CAMK1: variants seen among roughly 807,000 people sequenced by gnomAD.
CAMK1 encodes calcium/calmodulin-dependent protein kinase type 1.
A neutral mutation model predicts 49.1 loss-of-function variants in CAMK1; 39 were observed. The observed-to-expected ratio is 0.79, with a 90% CI of 0.62 to 1.04. The LOEUF is 1.04. Ranked by LOEUF, CAMK1 falls within the 50% of genes least tolerant of loss-of-function variation. The pLI, the probability that CAMK1 is intolerant of heterozygous loss-of-function variation, is 0.00. For missense variants in CAMK1, 457 were observed against 472.2 expected (o/e 0.97, Z 0.30); for synonymous variants, 192 against 185.2 (o/e 1.04, Z -0.30).
chr3:9,763,084 AG>A, intron 4 of CAMK1, 32 bp from the exon 5 acceptor site: 1 of 1,614,034 alleles, frequency 6.2e-7, no homozygotes. Flanking sequence ...TCTGGCAAAG[AG>A]GGTTGGGACA....
At chr3:9,758,278 C>G (rs2077680730) in intron 10 of CAMK1, 2 of 158,496 alleles carry the variant, frequency 1.3e-5, no homozygotes, top group Non-Finnish European at 2.8e-5. Flanking sequence ...AATATCTCCA[C>G]CTAGGTGTCC....
chr3:9,759,374 C>G, intron 10 of CAMK1, 114 bp downstream of exon 10: 2 of 1,553,268 alleles, frequency 1.3e-6, no homozygotes, highest in Non-Finnish European at 8.9e-7. Context: ...GTAAGGATCC[C>G]TAAGCAGTTA....
At chr3:9,768,983 G>A (rs1486985056) in intron 1 of CAMK1, among the ~76,000 whole-genome samples, 2 of 151,934 alleles carry the variant, frequency 1.3e-5, no homozygotes, top group Non-Finnish European at 2.9e-5. Flanking sequence ...ACACATCCCT[G>A]TAGCAGACAT....
chr3:9,766,642 T>G (rs569113321), intron 2 of CAMK1: 144 of 1,045,224 alleles, frequency 1.4e-4, no homozygotes, highest in Non-Finnish European at 4.5e-5. Flanking sequence ...ATAAACTCAT[T>G]TAACTAAAGT....
Position 9,759,640 on chromosome 3 carries a change from C to T in CAMK1, c.824+32G>A, listed in dbSNP as rs187470736. 137 of 1,614,064 alleles carry T rather than the reference C, an allele frequency of 8.5e-5. 1 individual carries two copies. The African/African-American group carries it at 1.7e-3, about 20-fold the overall frequency. On this transcript the variant is annotated intron_variant, in intron 9 of 11. Transcript: ENST00000256460. ...AAGCAGACCTGAGGGCCCCAAATCC[C>T]GCCCCAGCTCACAGGTTGTGTGAAT...
intron 1 of CAMK1, among the ~76,000 whole-genome samples, chr3:9,768,901 C>T (rs1234660498): frequency 5.3e-5 from 8 of 152,062 alleles, no homozygotes; most frequent in Admixed American, 1.3e-4. Flanking sequence ...AAAGGAGACT[C>T]GAGTGTAAGC....
At position 9,759,591 on chromosome 3, in the gene CAMK1, G is replaced by T. The variant is rs753634244; in HGVS notation, c.825-16C>A. ...TCCTGCAATCCTAGGATGGGGTTATGTGGTGGGTTGCCTATGAGGGCAGAA... is the reference window on the plus strand; with the variant it reads ...TCCTGCAATCCTAGGATGGGGTTATTTGGTGGGTTGCCTATGAGGGCAGAA... On this transcript the variant is annotated splice_polypyrimidine_tract_variant and intron_variant, in intron 9 of 11. Coordinates refer to ENST00000256460, the MANE Select transcript of CAMK1 (RefSeq NM_003656.5). 6.2e-7 allele frequency: 1 copy of T among 1,614,180 alleles called. No homozygotes were observed. Among genetic ancestry groups the T allele is most frequent in the Non-Finnish European group, 8.5e-7 (1 of 1,180,024 alleles).
At chr3:9,759,045 C>T (rs947756105) in intron 10 of CAMK1, 1 of 759,202 alleles carries the variant, frequency 1.3e-6, no homozygotes, top group African/African-American at 1.7e-5. Context: ...GAGGCCTGGC[C>T]CCTTACCTGC....
intron 2 of CAMK1, chr3:9,766,616 T>C: frequency 9.6e-7 from 1 of 1,042,752 alleles, no homozygotes; most frequent in Non-Finnish European, 1.2e-6. Flanking sequence ...TAGAACAGGT[T>C]CTTAAAAAGG....
chr3:9,760,629 A>T lies in CAMK1; in HGVS notation c.745+27T>A. On this transcript the variant is annotated intron_variant, in intron 8 of 11. Coordinates refer to ENST00000256460, the MANE Select transcript of CAMK1 (RefSeq NM_003656.5). ...GAGGGAGGAACCAGAGGCAGGGCCCAGGGGAAAAAAGCAAAGCCCCAAATA... is the reference window on the plus strand; with the variant it reads ...GAGGGAGGAACCAGAGGCAGGGCCCTGGGGAAAAAAGCAAAGCCCCAAATA... The T allele has an allele frequency of 1.9e-6, 3 of 1,612,664 alleles. No homozygotes were observed. In the South Asian group the frequency reaches 3.3e-5, roughly 18 times the overall value.
intron 3 of CAMK1, among the ~76,000 whole-genome samples, chr3:9,763,760 C>T (rs553191366): frequency 1.8e-4 from 28 of 152,134 alleles, no homozygotes; most frequent in African/African-American, 6.7e-4. Context: ...CCAAGGCAGG[C>T]GGATCACTTG....
In CAMK1 at chr3:9,767,762, C is replaced by T. The variant is rs200234296; in HGVS notation, c.-13G>A. The T allele has an allele frequency of 2.2e-5, 35 of 1,613,840 alleles. No individual in the cohort carries two copies. Among genetic ancestry groups the T allele is most frequent in the Admixed American group, 1.5e-4 (9 of 60,020 alleles). On this transcript the variant is annotated 5_prime_UTR_variant, in exon 2 of 12. Coordinates refer to ENST00000256460, the MANE Select transcript of CAMK1 (RefSeq NM_003656.5). The stretch of plus-strand genomic sequence containing the variant: ...CTGCCCCCAGCATGGCCCACTGCCC[C>T]CCGACCACAGCCAGGGCTCCTGTAA...
At chr3:9,762,239 T>TAATGTGA (rs1441087592) in intron 5 of CAMK1, 9 of 154,974 alleles carry the variant, frequency 5.8e-5, no homozygotes, top group African/African-American at 2.2e-4. Flanking sequence ...TGAGATGTAC[T>TAATGTGA]GCTAAATGTG....
chr3:9,759,080 T>A, intron 10 of CAMK1: 1 of 928,838 alleles, frequency 1.1e-6, no homozygotes, highest in Non-Finnish European at 1.8e-6. Flanking sequence ...CTCCTGCCTC[T>A]CAGTCCCCTC....
chr3:9,758,957 C>G, intron 10 of CAMK1: 1 of 514,458 alleles, frequency 1.9e-6, no homozygotes. Flanking sequence ...GCAGCAAATA[C>G]TTGCCTAAGA....
chr3:9,760,556 A>G, intron 8 of CAMK1, 100 bp downstream of exon 8: 1 of 1,245,982 alleles, frequency 8.0e-7, no homozygotes, highest in Non-Finnish European at 1.2e-6. Flanking sequence ...GTGGTGCTGG[A>G]AAATCCGACA....
At chr3:9,767,361 A>T (rs1206076503) in intron 2 of CAMK1, among the ~76,000 whole-genome samples, 1 of 152,246 alleles carries the variant, frequency 6.6e-6, no homozygotes, top group Non-Finnish European at 1.5e-5. Flanking sequence ...GAACAGAGCC[A>T]TCTCCAGCCT....
chr3:9,758,799 C>G (rs1217178951), intron 10 of CAMK1: 1 of 257,478 alleles, frequency 3.9e-6, no homozygotes, highest in Non-Finnish European at 7.7e-6. Context: ...GTGGCTAATT[C>G]TTTTATTTTT....
chr3:9,768,604 G>A (rs2078221312), intron 1 of CAMK1, among the ~76,000 whole-genome samples: 1 of 152,208 alleles, frequency 6.6e-6, no homozygotes, highest in South Asian at 2.1e-4. Flanking sequence ...AGCTAAGCTT[G>A]CTGAGGGCAA....
Sources: allele counts gnomAD v4.1 joint callset (sites outside exome capture counted in the v4.1 genomes callset), GRCh38; gene constraint gnomAD v4.1.1; transcripts MANE v1.5; gene names NCBI Gene and HGNC (gene_info 2026-07-23, HGNC 2026-07-21).